The following ADGRL2 variants were observed in gnomAD, a reference collection of about 807,000 sequenced individuals.
ADGRL2 encodes calcium-independent alpha-latrotoxin receptor 2.
A neutral mutation model predicts 157.4 loss-of-function variants in ADGRL2; 44 were observed. That is an observed-to-expected ratio of 0.28 (90% confidence interval 0.22 to 0.36). The LOEUF is 0.36. Ranked by LOEUF, ADGRL2 falls within the 10% of genes least tolerant of loss-of-function variation. The pLI, the probability that ADGRL2 is intolerant of heterozygous loss-of-function variation, is 1.00. For synonymous variants in ADGRL2, 585 were observed against 624.7 expected, an observed-to-expected ratio of 0.94 and a Z score of 0.95; for missense variants, 1,510 against 1,768.9, an observed-to-expected ratio of 0.85 and a Z score of 2.63.
At chr1:81,969,652 A>G (rs573660499) in intron 15 of ADGRL2, among the ~76,000 whole-genome samples, 1 of 152,308 alleles carries the variant, frequency 6.6e-6, no homozygotes, top group East Asian at 1.9e-4. Flanking sequence ...TGCTGAGGAT[A>G]CAGTAATATA....
chr1:81,391,534 A>AT (rs1237314367), intron 1 of ADGRL2, among the ~76,000 whole-genome samples: 3 of 152,240 alleles, frequency 2.0e-5, no homozygotes, highest in South Asian at 4.1e-4. Context: ...TGGCTCACAT[A>AT]TTTTTTTCTC....
chr1:81,828,015 A>G (rs1400612557), intron 1 of ADGRL2, among the ~76,000 whole-genome samples: 1 of 152,256 alleles, frequency 6.6e-6, no homozygotes, highest in Non-Finnish European at 1.5e-5. Context: ...ATGAATAGTT[A>G]TTAGTTCATT....
At chr1:81,538,868 C>T (rs1020268048) in intron 2 of ADGRL2, among the ~76,000 whole-genome samples, 7 of 151,988 alleles carry the variant, frequency 4.6e-5, no homozygotes, top group Admixed American at 2.6e-4. Context: ...ATTAGCCAGG[C>T]ATGGTGGTGT....
At chr1:81,542,339 G>A (rs1035627494) in intron 2 of ADGRL2, among the ~76,000 whole-genome samples, 1 of 152,190 alleles carries the variant, frequency 6.6e-6, no homozygotes, top group Non-Finnish European at 1.5e-5. Flanking sequence ...CCTTTTGCAG[G>A]AGTAGGGAAT....
chr1:81,547,792 A>T (rs2080053703), intron 2 of ADGRL2, among the ~76,000 whole-genome samples: 1 of 152,132 alleles, frequency 6.6e-6, no homozygotes, highest in African/African-American at 2.4e-5. Context: ...TGTGCTTGGG[A>T]GGTAGAAGTT....
intron 1 of ADGRL2, among the ~76,000 whole-genome samples, chr1:81,395,927 T>C (rs925639230): frequency 2.0e-5 from 3 of 152,176 alleles, no homozygotes; most frequent in African/African-American, 7.2e-5. Context: ...TAGTACCATG[T>C]TATTTAGCTT....
At chr1:81,720,184 CTTT>C (rs112579932) in intron 1 of ADGRL2, among the ~76,000 whole-genome samples, 1 of 122,046 alleles carries the variant, frequency 8.2e-6, no homozygotes. Context: ...TTTTTCTTTT[CTTT>C]TTTTTTTTTT....
chr1:81,668,586 C>T (rs986473417), intron 3 of ADGRL2, among the ~76,000 whole-genome samples: 5 of 151,870 alleles, frequency 3.3e-5, no homozygotes, highest in African/African-American at 9.7e-5. Context: ...TTTTTTGAGA[C>T]GGAGTCTCAC....
intron 3 of ADGRL2, among the ~76,000 whole-genome samples, chr1:81,665,049 T>C (rs2082727062): frequency 6.6e-6 from 1 of 152,094 alleles, no homozygotes; most frequent in South Asian, 2.1e-4. Flanking sequence ...TTAAAATAAA[T>C]ACTAGGTGGG....
intron 2 of ADGRL2, among the ~76,000 whole-genome samples, chr1:81,482,619 TG>T (rs2078413786): frequency 6.6e-6 from 1 of 152,138 alleles, no homozygotes; most frequent in Non-Finnish European, 1.5e-5. Flanking sequence ...TCGCTATCAG[TG>T]TTTCATTCTA....
At chr1:81,580,569 G>A (rs2080887025) in intron 2 of ADGRL2, among the ~76,000 whole-genome samples, 1 of 151,942 alleles carries the variant, frequency 6.6e-6, no homozygotes, top group African/African-American at 2.4e-5. Context: ...CTGAAATATG[G>A]TCTATGTTAA....
At chr1:81,523,720 C>T (rs1217332024) in intron 2 of ADGRL2, among the ~76,000 whole-genome samples, 1 of 152,284 alleles carries the variant, frequency 6.6e-6, no homozygotes, top group Non-Finnish European at 1.5e-5. Flanking sequence ...AACTAAATCT[C>T]TTCCACTTCC....
chr1:81,820,397 AGTT>A (rs2090863065), intron 1 of ADGRL2, among the ~76,000 whole-genome samples: 1 of 152,148 alleles, frequency 6.6e-6, no homozygotes, highest in Non-Finnish European at 1.5e-5. Flanking sequence ...TTTGTGATGC[AGTT>A]ACAGTGCTTA....
intron 1 of ADGRL2, chr1:81,722,088 C>G (rs1382054789): frequency 1.3e-5 from 5 of 374,872 alleles, no homozygotes; most frequent in South Asian, 2.1e-5. Context: ...GTCAGGAGAT[C>G]GAGACCATCC....
chr1:81,631,638 A>T (rs1251808398), intron 3 of ADGRL2, among the ~76,000 whole-genome samples: 1 of 152,242 alleles, frequency 6.6e-6, no homozygotes, highest in Non-Finnish European at 1.5e-5. Context: ...GCAATGGATC[A>T]TGGAGAGTTT....
chr1:81,872,214 G>A (rs866532636), intron 2 of ADGRL2, among the ~76,000 whole-genome samples: 1 of 152,024 alleles, frequency 6.6e-6, no homozygotes, highest in African/African-American at 2.4e-5. Context: ...TCTTGTTTTT[G>A]TCAGGTTTGT....
At chr1:81,665,460 GGTA>G (rs2082733688) in intron 3 of ADGRL2, among the ~76,000 whole-genome samples, 1 of 151,960 alleles carries the variant, frequency 6.6e-6, no homozygotes, top group East Asian at 1.9e-4. Context: ...TTCTCATGAA[GGTA>G]TTACTAATCC....
intron 3 of ADGRL2, among the ~76,000 whole-genome samples, chr1:81,935,337 A>C (rs957297540): frequency 6.6e-6 from 1 of 151,986 alleles, no homozygotes; most frequent in African/African-American, 2.4e-5. Flanking sequence ...CTCTATTATA[A>C]TCATGATAAA....
In ADGRL2 at chr1:81,943,355, A is replaced by T. The variant is rs1302585481; in HGVS notation, c.796A>T (p.Thr266Ser). 1 of 1,613,684 alleles carries T rather than the reference A, an allele frequency of 6.2e-7. No homozygotes were observed. Among genetic ancestry groups the T allele is most frequent in the African/African-American group, 1.3e-5 (1 of 75,004 alleles). The change falls in exon 6 of 24, where the codon ACT becomes TCT. Residue 266 changes from threonine to serine, a missense_variant. Physicochemically the swap from Thr to Ser is moderately conservative, Grantham distance 58. This residue lies in a region of ADGRL2 where 361 missense variants were observed against 498.4 expected (regional missense o/e 0.72). Coordinates refer to ENST00000686636, the MANE Select transcript of ADGRL2 (RefSeq NM_001366006.2). The surrounding 1 kb of genome is among the most constrained non-coding windows in gnomAD (Gnocchi z 5.6). ...CTCACCATACAGATGGGGAGGAAAG[A>T]CTGATATCGACCTAGCAGTTGATGA... The part of the protein sequence containing the change: ...DTSPYRWGGK[T>S]DIDLAVDENG...
Sources: gnomAD v4.1 joint callset for allele counts (sites outside exome capture counted in the v4.1 genomes callset) on GRCh38, gnomAD v4.1.1 for gene constraint, gnomAD v4.1.1 regional missense constraint, Gnocchi (gnomAD v3.1) non-coding constraint, MANE v1.5 for transcripts, NCBI Gene and HGNC (gene_info 2026-07-23, HGNC 2026-07-21) for gene names.